The following FOXN3 variants were observed in gnomAD, a reference collection of about 807,000 sequenced individuals.
The protein encoded by FOXN3 is forkhead box N3.
Under a neutral mutation model 38.4 loss-of-function variants are expected in FOXN3, and 7 were observed. The ratio of observed to expected loss-of-function variants is 0.18; its 90% CI spans 0.10 to 0.34. The LOEUF (loss-of-function observed/expected upper bound fraction) is 0.34, where lower values mean the gene tolerates loss of function less well. Among genes scored for constraint, FOXN3 ranks in the 10% least tolerant of loss-of-function variants. The probability of loss-of-function intolerance (pLI) is 1.00; values close to 1 mark genes in which losing one functional copy is unlikely to be tolerated. For synonymous variants in FOXN3, 230 were observed against 242.2 expected, an observed-to-expected ratio of 0.95 and a Z score of 0.47; for missense variants, 456 against 613.4, an observed-to-expected ratio of 0.74 and a Z score of 2.71.
chr14:89,426,000 T>G (rs1892018245), intron 1 of FOXN3, among the ~76,000 whole-genome samples: 1 of 151,958 alleles, frequency 6.6e-6, no homozygotes, highest in African/African-American at 2.4e-5. Context: ...TTAGAAACAC[T>G]AGATAGCATT....
chr14:89,329,788 G>A (rs1257611224), intron 3 of FOXN3, among the ~76,000 whole-genome samples: 10 of 147,976 alleles, frequency 6.8e-5, no homozygotes, highest in Admixed American at 4.1e-4. Context: ...CCCGGGAGGC[G>A]GAGCTTGCAG....
intron 4 of FOXN3, among the ~76,000 whole-genome samples, chr14:89,257,887 G>A (rs1288185687): frequency 1.3e-5 from 2 of 152,212 alleles, no homozygotes; most frequent in Non-Finnish European, 2.9e-5. Context: ...TGGCATGGGT[G>A]CCTGTGAGCA....
intron 1 of FOXN3, among the ~76,000 whole-genome samples, chr14:89,425,800 A>C (rs1445741080): frequency 2.6e-5 from 4 of 152,228 alleles, no homozygotes; most frequent in African/African-American, 9.6e-5. Context: ...CAACCCTTTC[A>C]TCAACCAATG....
chr14:89,306,977 T>C (rs1887397865), intron 3 of FOXN3, among the ~76,000 whole-genome samples: 1 of 152,206 alleles, frequency 6.6e-6, no homozygotes. Context: ...ACATGACCCT[T>C]CATAGAAAAA....
intron 5 of FOXN3, among the ~76,000 whole-genome samples, chr14:89,167,017 C>G (rs1262466864): frequency 1.3e-5 from 2 of 152,200 alleles, no homozygotes. Context: ...GAAATGCCTG[C>G]AATTTTTCAG....
intron 3 of FOXN3, among the ~76,000 whole-genome samples, chr14:89,316,522 CTTTT>C (rs11337389): frequency 7.0e-6 from 1 of 143,796 alleles, no homozygotes; most frequent in Non-Finnish European, 1.5e-5. Context: ...TGTCCAACTA[CTTTT>C]TTTTTTTTTT....
At chr14:89,439,473 C>A (rs1362090237) in intron 1 of FOXN3, among the ~76,000 whole-genome samples, 2 of 152,118 alleles carry the variant, frequency 1.3e-5, no homozygotes, top group African/African-American at 2.4e-5. Context: ...TGCTACACTC[C>A]CACCAGCACC....
chr14:89,546,181 T>C (rs1012692647), intron 1 of FOXN3, among the ~76,000 whole-genome samples: 1 of 152,160 alleles, frequency 6.6e-6, no homozygotes, highest in Admixed American at 6.5e-5. Context: ...GCCAAACAGC[T>C]TTACCCTTTG....
intron 1 of FOXN3, among the ~76,000 whole-genome samples, chr14:89,602,427 T>C (rs1345363896): frequency 6.6e-6 from 1 of 152,170 alleles, no homozygotes; most frequent in East Asian, 1.9e-4. Flanking sequence ...TTTTCAGGCA[T>C]TCAGAGGCTT....
chr14:89,300,613 T>C (rs1024091783), intron 3 of FOXN3, among the ~76,000 whole-genome samples: 3 of 152,222 alleles, frequency 2.0e-5, no homozygotes, highest in Non-Finnish European at 4.4e-5. Context: ...GATTATTCAT[T>C]TCCTCCCTTT....
At chr14:89,188,287 G>A (rs1029435635) in intron 4 of FOXN3, among the ~76,000 whole-genome samples, 8 of 152,162 alleles carry the variant, frequency 5.3e-5, no homozygotes, top group African/African-American at 1.4e-4. Context: ...GAGGGGAGGC[G>A]AACACTGAAA....
chr14:89,205,081 T>A (rs1888345116), intron 4 of FOXN3, among the ~76,000 whole-genome samples: 1 of 147,810 alleles, frequency 6.8e-6, no homozygotes, highest in Non-Finnish European at 1.5e-5. Flanking sequence ...AATGGCTACA[T>A]CCCTGGACAA....
chr14:89,253,839 G>A (rs61983086), intron 4 of FOXN3, among the ~76,000 whole-genome samples: 21,281 of 152,064 alleles, frequency 0.14, 1,863 homozygotes, highest in Middle Eastern at 0.2. Flanking sequence ...GATGGATTCC[G>A]GACTCCAGCT....
chr14:89,497,179 C>G (rs1394298921), intron 1 of FOXN3, among the ~76,000 whole-genome samples: 1 of 151,976 alleles, frequency 6.6e-6, no homozygotes, highest in Non-Finnish European at 1.5e-5. Flanking sequence ...TGGTCTAGAG[C>G]TCCTGACCTC....
At chr14:89,215,540 C>T (rs754875838) in intron 4 of FOXN3, among the ~76,000 whole-genome samples, 1 of 152,114 alleles carries the variant, frequency 6.6e-6, no homozygotes, top group Non-Finnish European at 1.5e-5. Flanking sequence ...CAAAATGCAT[C>T]CGACCACATT....
chr14:89,308,166 G>A (rs1002874117), intron 3 of FOXN3, among the ~76,000 whole-genome samples: 2 of 152,234 alleles, frequency 1.3e-5, no homozygotes, highest in Non-Finnish European at 2.9e-5. Flanking sequence ...TCGGGAGGCT[G>A]AGGCACGAGA....
chr14:89,513,172 A>G (rs1894131555), intron 1 of FOXN3, among the ~76,000 whole-genome samples: 1 of 147,058 alleles, frequency 6.8e-6, no homozygotes, highest in African/African-American at 2.5e-5. Context: ...AAAAAAAAGA[A>G]AAAGAAAGAA....
At chr14:89,220,674 A>G (rs945080375) in intron 4 of FOXN3, among the ~76,000 whole-genome samples, 1 of 152,136 alleles carries the variant, frequency 6.6e-6, no homozygotes, top group South Asian at 2.1e-4. Context: ...CCTAGATGGT[A>G]CCCTGTCCTT....
rs1389203317 is a variant in FOXN3 at position 89,162,247 on chromosome 14, A to T, written c.*167T>A. The T allele has an allele frequency of 1.8e-6, 1 of 565,008 alleles. No individual in the cohort carries two copies. Among genetic ancestry groups the T allele is most frequent in the Non-Finnish European group, 3.0e-6 (1 of 337,158 alleles). 35.0% of individuals were successfully genotyped at this position (565,008 alleles called of 1,614,324 possible). A position where few individuals can be genotyped will look rare whatever the true frequency, so the allele number is the denominator to read the frequency against. ...AAATTCTTAAGGGTCCAAAACAAAGAAGAGGGGGCAAATTAAAACAAAATA... is the reference window on the plus strand; with the variant it reads ...AAATTCTTAAGGGTCCAAAACAAAGTAGAGGGGGCAAATTAAAACAAAATA... On this transcript the variant is annotated 3_prime_UTR_variant, in exon 6 of 6. Coordinates refer to ENST00000557258, the MANE Select transcript of FOXN3 (RefSeq NM_005197.4). The surrounding 1 kb of genome is among the most constrained non-coding windows in gnomAD (Gnocchi z 7.2).
Sources: allele counts gnomAD v4.1 joint callset (sites outside exome capture counted in the v4.1 genomes callset), GRCh38; gene constraint gnomAD v4.1.1; non-coding constraint Gnocchi (gnomAD v3.1); transcripts MANE v1.5; gene names NCBI Gene and HGNC (gene_info 2026-07-23, HGNC 2026-07-21).